Variants in HCN1 observed in about 807,000 individuals in gnomAD.
The protein encoded by HCN1 is hyperpolarization activated cyclic nucleotide gated potassium channel 1, also known as potassium/sodium hyperpolarization-activated cyclic nucleotide-gated channel 1.
In HCN1, 13 loss-of-function variants were observed where a neutral mutation model predicts 78.9. That is an observed-to-expected ratio of 0.16 (90% confidence interval 0.11 to 0.26). The LOEUF is 0.26. HCN1 is among the 10% of genes least tolerant of loss of function. The probability of loss-of-function intolerance (pLI) is 1.00; values close to 1 mark genes in which losing one functional copy is unlikely to be tolerated. For synonymous variants in HCN1, 552 were observed against 455.5 expected (o/e 1.21, Z -2.70); for missense variants, 810 against 1,154.3 (o/e 0.70, Z 4.32).
chr5:45,431,773 A>G (rs1335067705), intron 3 of HCN1, among the ~76,000 whole-genome samples: 2 of 152,018 alleles, frequency 1.3e-5, no homozygotes, highest in African/African-American at 4.8e-5. Flanking sequence ...TGGGCTCTCT[A>G]TTCTGCTCTA....
At position 45,595,894 on chromosome 5, in the gene HCN1, A is replaced by AT. The variant is rs200610142; in HGVS notation, c.849+49290dup. Among the ~76,000 whole-genome samples the AT allele has an allele frequency of 1.1e-3, 159 of 144,012 alleles. 4 individuals carry two copies. The highest frequency in any genetic ancestry group is 7.9e-3 in the East Asian group (39 of 4,910). The allele number at this position is 144,012 out of a possible 152,430, so 94.5% of individuals were successfully genotyped here. On this transcript the variant is annotated intron_variant, in intron 2 of 7. Coordinates refer to ENST00000303230, the MANE Select transcript of HCN1 (RefSeq NM_021072.4). The stretch of plus-strand genomic sequence containing the variant: ...GTGTTAACTGTACTTTGGACCTATG[A>AT]TTTTTTTTTTTATTTGACGGAGTCT...
In HCN1 at chr5:45,584,420, T is replaced by G. The variant is rs1435910432; in HGVS notation, c.849+60765A>C. Among the ~76,000 whole-genome samples, 4 of 152,326 alleles carry G rather than the reference T, an allele frequency of 2.6e-5. No individual in the cohort carries two copies. The South Asian group carries it at 8.3e-4, about 32-fold the overall frequency. ...CATCCTTTTATTTTGAGCCTACAAG[T>G]TTCTCTGCACGTGAGATGGGTTTCC... On this transcript the variant is annotated intron_variant, in intron 2 of 7. Coordinates refer to ENST00000303230, the MANE Select transcript of HCN1 (RefSeq NM_021072.4).
chr5:45,470,329 C>G (rs971798125), intron 2 of HCN1, among the ~76,000 whole-genome samples: 13 of 151,962 alleles, frequency 8.6e-5, no homozygotes, highest in African/African-American at 3.1e-4. Flanking sequence ...CACTACAATT[C>G]TTTGTGAACA....
intron 2 of HCN1, among the ~76,000 whole-genome samples, chr5:45,590,413 A>C (rs1470258204): frequency 6.6e-6 from 1 of 152,198 alleles, no homozygotes; most frequent in African/African-American, 2.4e-5. Context: ...CCTATGCTGC[A>C]GTGGAATGTT....
intron 2 of HCN1, among the ~76,000 whole-genome samples, chr5:45,521,317 G>A (rs1432757388): frequency 6.6e-6 from 1 of 151,948 alleles, no homozygotes; most frequent in Admixed American, 6.6e-5. Context: ...AAGTGTATTA[G>A]TTTCCAAGGG....
At chr5:45,553,495 T>C (rs1186239664) in intron 2 of HCN1, among the ~76,000 whole-genome samples, 1 of 151,926 alleles carries the variant, frequency 6.6e-6, no homozygotes, top group African/African-American at 2.4e-5. Context: ...TGATAAAGTC[T>C]TCCTTCCCTT....
intron 2 of HCN1, among the ~76,000 whole-genome samples, chr5:45,485,994 T>C (rs1030005804): frequency 6.6e-6 from 1 of 152,168 alleles, no homozygotes; most frequent in Admixed American, 6.5e-5. Flanking sequence ...TTATGCACTA[T>C]CAGTATATTA....
rs34176530 is a variant in HCN1, at chr5:45,404,498, ATT to A, written c.1012-7790_1012-7789del. ...CTTCACTTAGGCATCACTGAAAATA[ATT>A]TTTTTTTTTTTGAGGAAAAGATATT... On this transcript the variant is annotated intron_variant, in intron 3 of 7. Transcript: ENST00000303230. 3.8e-3 allele frequency among the ~76,000 whole-genome samples: 560 copies of A among 146,328 alleles called. 3 individuals are homozygous for A. The highest frequency in any genetic ancestry group is 0.01 in the African/African-American group (418 of 39,838).
rs1423934782 is a variant in HCN1, at chr5:45,254,965, T to C, written c.*6956A>G. On this transcript the variant is annotated 3_prime_UTR_variant, in exon 8 of 8. Coordinates refer to ENST00000303230, the MANE Select transcript of HCN1 (RefSeq NM_021072.4). ...TTGCAAAATATTGACCACATTCATTTATTTTTATAATGTCAATGTATTATT... is the reference window on the plus strand; with the variant it reads ...TTGCAAAATATTGACCACATTCATTCATTTTTATAATGTCAATGTATTATT... The C allele has an allele frequency of 1.3e-5, 2 of 152,266 alleles. No individual in the cohort carries two copies. Among genetic ancestry groups the C allele is most frequent in the African/African-American group, 4.8e-5 (2 of 41,468 alleles). The allele number at this position is 152,266 out of a possible 1,614,324, so 9.4% of individuals were successfully genotyped here.
intron 2 of HCN1, among the ~76,000 whole-genome samples, chr5:45,547,388 T>C (rs1743251530): frequency 6.6e-6 from 1 of 151,950 alleles, no homozygotes; most frequent in African/African-American, 2.4e-5. Context: ...TATATTAAAG[T>C]AGTAAAGTAA....
chr5:45,274,047 C>A (rs981762492), intron 6 of HCN1, among the ~76,000 whole-genome samples: 1 of 152,036 alleles, frequency 6.6e-6, no homozygotes, highest in East Asian at 1.9e-4. Flanking sequence ...TACTTTAATG[C>A]ATTTCACATT....
rs1339530171 is a variant in HCN1, at chr5:45,539,500, C to CA, written c.850-77494dup. On this transcript the variant is annotated intron_variant, in intron 2 of 7. Transcript: ENST00000303230. The stretch of plus-strand genomic sequence containing the variant: ...ACACGGTGAAACCCCGTCTCTACTA[C>CA]AAAAAACACAAAAAATTAGCCTGGC... Among the ~76,000 whole-genome samples the CA allele has an allele frequency of 2.7e-5, 4 of 150,220 alleles. No individual in the cohort carries two copies. In the East Asian group the frequency reaches 5.9e-4, roughly 22 times the overall value.
intron 2 of HCN1, among the ~76,000 whole-genome samples, chr5:45,494,542 T>C (rs1408990862): frequency 2.0e-5 from 3 of 151,918 alleles, no homozygotes; most frequent in Non-Finnish European, 2.9e-5. Flanking sequence ...TTCTCCCATT[T>C]TGTGGGTTGC....
At chr5:45,630,422 G>T (rs1176309387) in intron 2 of HCN1, among the ~76,000 whole-genome samples, 3 of 152,088 alleles carry the variant, frequency 2.0e-5, no homozygotes, top group Non-Finnish European at 2.9e-5. Context: ...AGTCACTATG[G>T]GGCCTAATCA....
intron 2 of HCN1, among the ~76,000 whole-genome samples, chr5:45,635,653 C>G (rs1343318761): frequency 1.3e-5 from 2 of 152,040 alleles, no homozygotes; most frequent in Non-Finnish European, 1.5e-5. Flanking sequence ...TATAACCAAC[C>G]AAATGTATTT....
At position 45,692,387 on chromosome 5, in the gene HCN1, A is replaced by T. The variant is rs191078330; in HGVS notation, c.425+3282T>A. Among the ~76,000 whole-genome samples the T allele has an allele frequency of 2.0e-5, 3 of 152,334 alleles. No homozygotes were observed. In the East Asian group the frequency reaches 5.8e-4, roughly 29 times the overall value. On this transcript the variant is annotated intron_variant, in intron 1 of 7. Transcript: ENST00000303230. ...TGTGTTGTTCACATGAAATTCAATA[A>T]GACTAAGACCATACTGTCACTACAG...
chr5:45,328,405 G>A (rs1372207711), intron 5 of HCN1, among the ~76,000 whole-genome samples: 2 of 151,396 alleles, frequency 1.3e-5, no homozygotes, highest in African/African-American at 2.4e-5. Flanking sequence ...TGGCATATAC[G>A]AATGACCAGC....
intron 2 of HCN1, among the ~76,000 whole-genome samples, chr5:45,555,660 T>C (rs1227895500): frequency 2.0e-5 from 3 of 149,972 alleles, no homozygotes; most frequent in Admixed American, 1.3e-4. Context: ...TACAAAGCTA[T>C]GGTAAGCAAA....
At chr5:45,442,624 T>TAAAAACA (rs1261594582) in intron 3 of HCN1, among the ~76,000 whole-genome samples, 1 of 151,954 alleles carries the variant, frequency 6.6e-6, no homozygotes, top group Non-Finnish European at 1.5e-5. Context: ...ATAATGGCAT[T>TAAAAACA]TACAATAAAA....
Sources: gnomAD v4.1 joint callset for allele counts (sites outside exome capture counted in the v4.1 genomes callset) on GRCh38, gnomAD v4.1.1 for gene constraint, MANE v1.5 for transcripts, NCBI Gene and HGNC (gene_info 2026-07-23, HGNC 2026-07-21) for gene names.